NLGN1: variants seen among roughly 807,000 people sequenced by gnomAD.
NLGN1 encodes the protein neuroligin-1.
NLGN1 carries 12 observed loss-of-function variants against 65.5 expected under a neutral mutation model. The ratio of observed to expected loss-of-function variants is 0.18; its 90% confidence interval spans 0.12 to 0.30. NLGN1 has a LOEUF of 0.30. Ranked by LOEUF, NLGN1 falls within the 10% of genes least tolerant of loss-of-function variation. The pLI is 1.00. For synonymous variants in NLGN1, 350 were observed against 359.5 expected, an observed-to-expected ratio of 0.97 and a Z score of 0.30; for missense variants, 750 against 1,007.1, an observed-to-expected ratio of 0.74 and a Z score of 3.46.
intron 4 of NLGN1, among the ~76,000 whole-genome samples, chr3:174,062,239 G>A (rs1030940587): frequency 6.6e-6 from 1 of 151,982 alleles, no homozygotes; most frequent in Non-Finnish European, 1.5e-5. Flanking sequence ...TGGGAGTGAG[G>A]GACAATGGGC....
rs192401316 is a variant in NLGN1, at chr3:173,931,807, G to T, written c.646+123975G>T. 4.6e-5 allele frequency among the ~76,000 whole-genome samples: 7 copies of T among 152,232 alleles called. No homozygotes were observed. The East Asian group carries it at 1.4e-3, about 29-fold the overall frequency. On this transcript the variant is annotated intron_variant, in intron 4 of 6. Transcript: ENST00000457714. ...TGTGGAGTTAGGTGACCAGTTAAGA[G>T]ACTATTGTAATAATCCAAGTGAGAG...
intron 4 of NLGN1, among the ~76,000 whole-genome samples, chr3:173,835,815 G>A (rs999191562): frequency 1.3e-5 from 2 of 152,068 alleles, no homozygotes; most frequent in Non-Finnish European, 2.9e-5. Flanking sequence ...TGAATCTTGA[G>A]AATGAGAAAT....
At chr3:173,576,512 C>G (rs1745523985) in intron 2 of NLGN1, among the ~76,000 whole-genome samples, 1 of 152,142 alleles carries the variant, frequency 6.6e-6, no homozygotes, top group Non-Finnish European at 1.5e-5. Context: ...CTTGTAGCTC[C>G]TTCTTTCGTC....
At chr3:174,277,051 T>TAAAC (rs1468370354) in intron 5 of NLGN1, among the ~76,000 whole-genome samples, 1 of 151,902 alleles carries the variant, frequency 6.6e-6, no homozygotes, top group African/African-American at 2.4e-5. Flanking sequence ...GATGGCATGG[T>TAAAC]AAACAGTAGG....
intron 4 of NLGN1, among the ~76,000 whole-genome samples, chr3:174,107,155 C>T (rs1175599602): frequency 1.3e-5 from 2 of 151,822 alleles, no homozygotes; most frequent in African/African-American, 4.8e-5. Flanking sequence ...ACAATGATAA[C>T]GTATTGTGAA....
intron 2 of NLGN1, among the ~76,000 whole-genome samples, chr3:173,503,458 C>T (rs1021456568): frequency 1.6e-4 from 24 of 152,116 alleles, no homozygotes; most frequent in African/African-American, 4.8e-4. Flanking sequence ...AATGTGCAAA[C>T]GCTTATTCTT....
At chr3:174,107,309 A>G (rs1350310947) in intron 4 of NLGN1, among the ~76,000 whole-genome samples, 1 of 152,136 alleles carries the variant, frequency 6.6e-6, no homozygotes, top group Non-Finnish European at 1.5e-5. Flanking sequence ...TACCTATGAC[A>G]ACCACTACTC....
intron 4 of NLGN1, chr3:174,136,529 G>A (rs2152681956): frequency 6.6e-6 from 1 of 152,178 alleles, no homozygotes; most frequent in African/African-American, 2.4e-5. Context: ...AGCATGCCTA[G>A]CACAGACCAC....
intron 4 of NLGN1, among the ~76,000 whole-genome samples, chr3:173,829,745 A>C (rs1722124779): frequency 6.6e-6 from 1 of 152,130 alleles, no homozygotes. Flanking sequence ...CTCTGGTAGA[A>C]TTTACCTGAT....
chr3:174,282,103 G>A (rs1338082395), exon 7 of NLGN1: 1 of 152,200 alleles, frequency 6.6e-6, no homozygotes, highest in Non-Finnish European at 1.5e-5. Context: ...GAAGGAATTA[G>A]CTATTAAAGG....
rs372243221 is a variant in NLGN1 at position 173,407,265 on chromosome 3, T to C, written c.-390+8778T>C. ...AAGGAATCATTTATTTCTAAAAACTTTAATAAATTTTCAATGGTCTTTCCA... is the reference window on the plus strand; with the variant it reads ...AAGGAATCATTTATTTCTAAAAACTCTAATAAATTTTCAATGGTCTTTCCA... On this transcript the variant is annotated intron_variant, in intron 1 of 6. Coordinates refer to ENST00000457714, the Ensembl canonical transcript of NLGN1. 8.5e-5 allele frequency among the ~76,000 whole-genome samples: 13 copies of C among 152,330 alleles called. No individual in the cohort carries two copies. The South Asian group carries it at 1.9e-3, about 22-fold the overall frequency.
chr3:174,056,732 T>C (rs1665481011), intron 4 of NLGN1, among the ~76,000 whole-genome samples: 5 of 152,050 alleles, frequency 3.3e-5, no homozygotes, highest in African/African-American at 1.2e-4. Context: ...TCAAGCACTA[T>C]ATTTCAGACT....
chr3:173,897,889 A>C (rs1736613425), intron 4 of NLGN1, among the ~76,000 whole-genome samples: 1 of 152,122 alleles, frequency 6.6e-6, no homozygotes, highest in South Asian at 2.1e-4. Flanking sequence ...AGACTACATG[A>C]ATCATTGCAA....
At chr3:174,256,090 C>T (rs1207519426) in intron 4 of NLGN1, among the ~76,000 whole-genome samples, 1 of 152,206 alleles carries the variant, frequency 6.6e-6, no homozygotes, top group Non-Finnish European at 1.5e-5. Flanking sequence ...AAGTTACATG[C>T]TCCATCAGGC....
chr3:174,262,532 T>A (rs1363905080), intron 4 of NLGN1, among the ~76,000 whole-genome samples: 7 of 136,518 alleles, frequency 5.1e-5, no homozygotes, highest in Admixed American at 1.5e-4. Flanking sequence ...GGTGGTGATA[T>A]CCCCTTTATC....
At chr3:174,278,779 CAT>C in intron 5 of NLGN1, 80 bp from the exon 6 acceptor site, 1 of 1,125,084 alleles carries the variant, frequency 8.9e-7, no homozygotes, top group Non-Finnish European at 1.2e-6. Flanking sequence ...TTTTTATATA[CAT>C]GTCTAAAATA....
At chr3:173,855,792 A>G (rs747470622) in intron 4 of NLGN1, among the ~76,000 whole-genome samples, 3 of 152,168 alleles carry the variant, frequency 2.0e-5, no homozygotes, top group Non-Finnish European at 2.9e-5. Context: ...AGGCAAGGCG[A>G]TATCACAATT....
In NLGN1 at chr3:173,773,186, A is replaced by AT. The variant is rs562989179; in HGVS notation, c.494-34493dup. 5.3e-5 allele frequency among the ~76,000 whole-genome samples: 8 copies of AT among 152,276 alleles called. No homozygotes were observed. The South Asian group carries it at 1.2e-3, about 24-fold the overall frequency. ...GTGCTCAAAGAGCTTCAAGTCACAC[A>AT]TATCAAGCTATCCAAGCTAACTCCT... is the stretch of plus-strand genomic sequence containing the variant. On this transcript the variant is annotated intron_variant, in intron 3 of 6. Coordinates refer to ENST00000457714, the Ensembl canonical transcript of NLGN1.
intron 4 of NLGN1, among the ~76,000 whole-genome samples, chr3:174,025,148 TG>T (rs1264332615): frequency 2.6e-5 from 4 of 152,212 alleles, no homozygotes; most frequent in Non-Finnish European, 5.9e-5. Flanking sequence ...CATAAATTTA[TG>T]TAGAATTTTT....
Sources: allele counts gnomAD v4.1 joint callset (sites outside exome capture counted in the v4.1 genomes callset), GRCh38; gene constraint gnomAD v4.1.1; transcripts MANE v1.5; gene names NCBI Gene and HGNC (gene_info 2026-07-23, HGNC 2026-07-21).